Variants in FBXO7 observed in about 807,000 individuals in gnomAD.
FBXO7 encodes F-box protein 7, also known as F-box only protein 7.
FBXO7 carries 31 observed loss-of-function variants against 50.2 expected under a neutral mutation model. That is an observed-to-expected ratio of 0.62 (90% CI 0.46 to 0.83). FBXO7 has a LOEUF of 0.83. Ranked by LOEUF, FBXO7 falls within the 40% of genes least tolerant of loss-of-function variation. The pLI is 0.00. For synonymous variants in FBXO7, 256 were observed against 253.1 expected (o/e 1.01, Z -0.11); for missense variants, 667 against 646.6 (o/e 1.03, Z -0.34).
chr22:32,491,815 G>A (rs1457256287), intron 6 of FBXO7: 4 of 143,876 alleles, frequency 2.8e-5, no homozygotes, highest in East Asian at 2.2e-4. Context: ...TAATTCACTC[G>A]AGATCCTTAT....
intron 1 of FBXO7, among the ~76,000 whole-genome samples, chr22:32,476,415 G>A (rs756608624): frequency 2.1e-4 from 32 of 152,138 alleles, no homozygotes; most frequent in Admixed American, 6.5e-4. Context: ...TTTTAAATTA[G>A]GCAGTCTTGA....
In FBXO7 at chr22:32,495,381, T is replaced by TTC. The variant is rs10648473; in HGVS notation, c.1145-111_1145-110insCT. ...TATAAATGGTTAGTTTTTTTTTTTT[T>TTC]TTATGCTTAACGGGTAAGTTTCACT... On this transcript the variant is annotated intron_variant, in intron 7 of 8. Coordinates refer to ENST00000266087, the MANE Select transcript of FBXO7 (RefSeq NM_012179.4). 0.32 allele frequency: 190,371 copies of TTC among 602,320 alleles called. 20,670 individuals are homozygous for TTC. The highest frequency in any genetic ancestry group is 0.51 in the East Asian group (16,264 of 31,928). The allele number at this position is 602,320 out of a possible 1,614,324, so 37.3% of individuals were successfully genotyped here.
chr22:32,494,564 C>T (rs2057560069), intron 7 of FBXO7, among the ~76,000 whole-genome samples: 1 of 151,768 alleles, frequency 6.6e-6, no homozygotes, highest in African/African-American at 2.4e-5. Flanking sequence ...CAGTGTTGCT[C>T]AGGCTGGTCT....
intron 1 of FBXO7, among the ~76,000 whole-genome samples, chr22:32,478,413 G>T (rs2057442211): frequency 6.6e-6 from 1 of 152,150 alleles, no homozygotes; most frequent in African/African-American, 2.4e-5. Flanking sequence ...TAATTTCAAA[G>T]ATGTCAAAAA....
chr22:32,479,608 G>A (rs2057451741), intron 2 of FBXO7, among the ~76,000 whole-genome samples: 1 of 151,976 alleles, frequency 6.6e-6, no homozygotes, highest in Non-Finnish European at 1.5e-5. Context: ...TGTTGGTCAG[G>A]ATGGTCTCGA....
chr22:32,489,512 G>T (rs1442758426), intron 5 of FBXO7: 5 of 152,180 alleles, frequency 3.3e-5, no homozygotes, highest in African/African-American at 1.2e-4. Context: ...CCATTTTATA[G>T]ATCAGGAAAC....
chr22:32,490,475 A>G (rs1355355776), intron 5 of FBXO7: 1 of 152,524 alleles, frequency 6.6e-6, no homozygotes, highest in Non-Finnish European at 1.5e-5. Flanking sequence ...AGTTCTGGTG[A>G]TCTGTCGCCC....
At chr22:32,494,414 C>T (rs1445954227) in intron 7 of FBXO7, among the ~76,000 whole-genome samples, 1 of 151,958 alleles carries the variant, frequency 6.6e-6, no homozygotes, top group Non-Finnish European at 1.5e-5. Context: ...AGTCATAGCT[C>T]ACTGCCACCC....
intron 1 of FBXO7, among the ~76,000 whole-genome samples, chr22:32,477,389 G>GT (rs1021224409): frequency 2.0e-5 from 3 of 152,164 alleles, no homozygotes; most frequent in African/African-American, 7.2e-5. Flanking sequence ...GAGTGTAAAT[G>GT]TTTTTAAAAA....
intron 1 of FBXO7, among the ~76,000 whole-genome samples, chr22:32,476,212 A>G (rs2057427662): frequency 6.6e-6 from 1 of 152,146 alleles, no homozygotes; most frequent in Non-Finnish European, 1.5e-5. Flanking sequence ...ATTAAAAAAA[A>G]AACCCTAAAT....
chr22:32,495,453 A>C (rs1225615619), intron 7 of FBXO7, 40 bp from the exon 8 acceptor site: 1 of 1,414,846 alleles, frequency 7.1e-7, no homozygotes, highest in African/African-American at 1.4e-5. Flanking sequence ...AGGACGAATG[A>C]AATGTTTTTA....
intron 8 of FBXO7, among the ~76,000 whole-genome samples, chr22:32,496,646 T>C (rs1221657663): frequency 6.6e-6 from 1 of 152,226 alleles, no homozygotes; most frequent in Non-Finnish European, 1.5e-5. Flanking sequence ...AAATACTCCT[T>C]TTAAAATACT....
rs2057594607 is a variant in FBXO7, at chr22:32,498,670, T to TA, written c.*141dup. Reference sequence around the variant, plus strand: ...GCACTCCCAGAAACCTTTTAAGAGATACATTTATAGCCCTAGGGGTGGTAT... The same window carrying TA: ...GCACTCCCAGAAACCTTTTAAGAGATAACATTTATAGCCCTAGGGGTGGTAT... On this transcript the variant is annotated 3_prime_UTR_variant, in exon 9 of 9. Coordinates refer to ENST00000266087, the MANE Select transcript of FBXO7 (RefSeq NM_012179.4). The TA allele has an allele frequency of 1.1e-5, 11 of 1,030,948 alleles. No homozygotes were observed. The highest frequency in any genetic ancestry group is 3.2e-5 in the African/African-American group (2 of 63,170). 63.9% of individuals were successfully genotyped at this position (1,030,948 alleles called of 1,614,324 possible). A position where few individuals can be genotyped will look rare whatever the true frequency, so the allele number is the denominator to read the frequency against.
chr22:32,479,496 A>G (rs566220692), intron 2 of FBXO7, among the ~76,000 whole-genome samples: 46 of 150,658 alleles, frequency 3.1e-4, no homozygotes, highest in Admixed American at 2.9e-3. Flanking sequence ...CTCCCAGTTC[A>G]AGCGATTCTC....
chr22:32,495,994 C>T lies in FBXO7; in HGVS notation c.1182+464C>T, dbSNP rs138540320. On this transcript the variant is annotated intron_variant, in intron 8 of 8. Transcript: ENST00000266087. ...ATCACTGATGAAGGTGGCTGCATTA[C>T]ACAACAGATTTTCAGTGTAGGTGAG... is the stretch of plus-strand genomic sequence containing the variant. Among the ~76,000 whole-genome samples the T allele has an allele frequency of 2.5e-3, 386 of 152,330 alleles. 2 individuals carry two copies. Among genetic ancestry groups the T allele is most frequent in the Non-Finnish European group, 3.8e-3 (258 of 68,036 alleles).
rs2057594700 is a variant in FBXO7, at chr22:32,498,678, T to C, written c.*148T>C. 1.0e-6 allele frequency: 1 copy of C among 968,810 alleles called. No individual in the cohort carries two copies. The highest frequency in any genetic ancestry group is 1.6e-6 in the Non-Finnish European group (1 of 641,692). The allele number at this position is 968,810 out of a possible 1,614,324, so 60.0% of individuals were successfully genotyped here. On this transcript the variant is annotated 3_prime_UTR_variant, in exon 9 of 9. Transcript: ENST00000266087. ...AGAAACCTTTTAAGAGATACATTTA[T>C]AGCCCTAGGGGTGGTATGACCCAAA...
intron 3 of FBXO7, among the ~76,000 whole-genome samples, 162 bp from the exon 4 acceptor site, chr22:32,484,906 A>G (rs912346206): frequency 5.3e-5 from 8 of 152,212 alleles, no homozygotes; most frequent in African/African-American, 1.9e-4. Flanking sequence ...TGGTTATCCT[A>G]CAATATAAAA....
At chr22:32,496,902 T>G (rs79334809) in intron 8 of FBXO7, among the ~76,000 whole-genome samples, 2,371 of 152,330 alleles carry the variant, frequency 0.016, 71 homozygotes, top group African/African-American at 0.053. Flanking sequence ...GCCTTCTAGA[T>G]GCCATTAAGC....
chr22:32,489,662 G>C (rs2057521910), intron 5 of FBXO7: 1 of 152,058 alleles, frequency 6.6e-6, no homozygotes, highest in South Asian at 2.1e-4. Context: ...TTCTTTATCT[G>C]GTTTCTCTTA....
Sources: allele counts gnomAD v4.1 joint callset (sites outside exome capture counted in the v4.1 genomes callset), GRCh38; gene constraint gnomAD v4.1.1; transcripts MANE v1.5; gene names NCBI Gene and HGNC (gene_info 2026-07-23, HGNC 2026-07-21).